DISC1: variants seen among roughly 807,000 people sequenced by gnomAD.
DISC1 encodes the protein disrupted in schizophrenia 1 protein.
Under a neutral mutation model 84.5 loss-of-function variants are expected in DISC1, and 57 were observed. The observed-to-expected ratio is 0.67, with a 90% CI of 0.55 to 0.84. DISC1 has a LOEUF of 0.84. Among genes scored for constraint, DISC1 ranks in the 40% least tolerant of loss-of-function variants. The probability of loss-of-function intolerance (pLI) is 0.00; values close to 1 mark genes in which losing one functional copy is unlikely to be tolerated. For missense variants in DISC1, 1,000 were observed against 1,057.8 expected (o/e 0.95, Z 0.76); for synonymous variants, 411 against 415.2 (o/e 0.99, Z 0.12).
chr1:231,931,398 G>C (rs917266048), intron 9 of DISC1, among the ~76,000 whole-genome samples: 5 of 152,202 alleles, frequency 3.3e-5, no homozygotes, highest in African/African-American at 1.2e-4. Context: ...TGTACCGGGA[G>C]ATGCCCTAGG....
At chr1:231,945,761 T>C (rs942866475) in intron 9 of DISC1, among the ~76,000 whole-genome samples, 1 of 151,834 alleles carries the variant, frequency 6.6e-6, no homozygotes, top group Non-Finnish European at 1.5e-5. Flanking sequence ...AGAGACGCAA[T>C]AAAAAATGAT....
chr1:231,880,301 A>T (rs1386718439), intron 9 of DISC1, among the ~76,000 whole-genome samples: 1 of 152,170 alleles, frequency 6.6e-6, no homozygotes, highest in Non-Finnish European at 1.5e-5. Flanking sequence ...AATCTCTGTA[A>T]CTGTAGGAAA....
intron 9 of DISC1, among the ~76,000 whole-genome samples, chr1:231,907,766 C>G (rs910981252): frequency 5.3e-5 from 8 of 152,178 alleles, no homozygotes; most frequent in Non-Finnish European, 8.8e-5. Context: ...TTCCACAATG[C>G]TTGAACTAGT....
In DISC1 at chr1:231,930,223, C is replaced by T. The variant is rs1377232306; in HGVS notation, c.1982-28605C>T. Among the ~76,000 whole-genome samples, 3 of 152,128 alleles carry T rather than the reference C, an allele frequency of 2.0e-5. No homozygotes were observed. In the East Asian group the frequency reaches 5.8e-4, roughly 29 times the overall value. On this transcript the variant is annotated intron_variant, in intron 9 of 12. Transcript: ENST00000439617. ...TAGAGATCCTGTCCTTTAACCCTTG[C>T]GTTGTGCAGATGAGAGATGTGAGGT...
intron 9 of DISC1, among the ~76,000 whole-genome samples, chr1:231,819,525 A>G (rs1159362765): frequency 6.6e-6 from 1 of 152,186 alleles, no homozygotes; most frequent in Non-Finnish European, 1.5e-5. Context: ...TCTTCTTTGT[A>G]ATGAATACCC....
At chr1:231,759,325 C>A (rs1354356683) in intron 4 of DISC1, among the ~76,000 whole-genome samples, 1 of 151,928 alleles carries the variant, frequency 6.6e-6, no homozygotes, top group African/African-American at 2.4e-5. Flanking sequence ...CTGTATGAGA[C>A]CAGAAAATAA....
rs1670608540 is a variant in DISC1 at position 232,037,721 on chromosome 1, G to A, written c.*890G>A. 6.6e-6 allele frequency: 1 copy of A among 152,262 alleles called. No individual in the cohort carries two copies. Among genetic ancestry groups the A allele is most frequent in the African/African-American group, 2.4e-5 (1 of 41,388 alleles). The allele number at this position is 152,262 out of a possible 1,614,324, so 9.4% of individuals were successfully genotyped here. A position where few individuals can be genotyped will look rare whatever the true frequency, so the allele number is the denominator to read the frequency against. On this transcript the variant is annotated 3_prime_UTR_variant, in exon 13 of 13. Coordinates refer to ENST00000439617, the MANE Select transcript of DISC1 (RefSeq NM_018662.3). ...AGGCAGTGCAGTACTCAGTAAGACA[G>A]TGCAGTGCTCAGTAAGGCAGTGCAA...
chr1:231,802,117 T>C (rs1224406483), intron 8 of DISC1, among the ~76,000 whole-genome samples: 1 of 152,088 alleles, frequency 6.6e-6, no homozygotes, highest in African/African-American at 2.4e-5. Context: ...GGGTCTTTTG[T>C]CTCTCTTCAA....
chr1:231,871,123 A>G (rs1026136031), intron 9 of DISC1, among the ~76,000 whole-genome samples: 7 of 152,180 alleles, frequency 4.6e-5, no homozygotes, highest in African/African-American at 1.7e-4. Flanking sequence ...GCACTCATTG[A>G]TGCAGCGAGC....
Position 232,009,487 on chromosome 1 carries a change from A to ATAT in DISC1, c.2307+446_2307+448dup, listed in dbSNP as rs1042943480. 1.5e-6 allele frequency: 1 copy of ATAT among 661,218 alleles called. No homozygotes were observed. The highest frequency in any genetic ancestry group is 1.9e-6 in the Non-Finnish European group (1 of 535,178). The allele number at this position is 661,218 out of a possible 1,614,324, so 41.0% of individuals were successfully genotyped here. A position where few individuals can be genotyped will look rare whatever the true frequency, so the allele number is the denominator to read the frequency against. On this transcript the variant is annotated intron_variant, in intron 11 of 12. Transcript: ENST00000439617. The surrounding 1 kb of genome is among the most constrained non-coding windows in gnomAD (Gnocchi z 4.6). ...ATATTTAGAATCTATATATTACAAT[A>ATAT]TATTATTATTTATTTGAATGAAACA...
chr1:231,882,508 T>C (rs1042800266), intron 9 of DISC1, among the ~76,000 whole-genome samples: 3 of 152,250 alleles, frequency 2.0e-5, no homozygotes, highest in Admixed American at 6.5e-5. Context: ...TTGGTCTCTT[T>C]GTCTCACTTC....
At chr1:231,898,735 C>T (rs969958170) in intron 9 of DISC1, among the ~76,000 whole-genome samples, 1 of 152,058 alleles carries the variant, frequency 6.6e-6, no homozygotes, top group Non-Finnish European at 1.5e-5. Context: ...AGCTAGAGAC[C>T]AGCCTGGCCA....
chr1:231,652,987 C>G (rs895135540), intron 1 of DISC1, among the ~76,000 whole-genome samples: 1 of 152,120 alleles, frequency 6.6e-6, no homozygotes, highest in East Asian at 1.9e-4. Flanking sequence ...ACCATGTTGG[C>G]CAGGCTGGTC....
intron 6 of DISC1, among the ~76,000 whole-genome samples, chr1:231,778,762 G>T (rs1013309281): frequency 1.3e-5 from 2 of 152,138 alleles, no homozygotes; most frequent in Non-Finnish European, 2.9e-5. Flanking sequence ...GGAAATGTAG[G>T]TTCCCAATAA....
At chr1:231,728,662 T>G (rs2071078391) in intron 3 of DISC1, among the ~76,000 whole-genome samples, 1 of 152,228 alleles carries the variant, frequency 6.6e-6, no homozygotes, top group Admixed American at 6.5e-5. Context: ...CTGAGGTCTT[T>G]CTTCCATCTG....
chr1:232,036,654 C>T (rs891219645), intron 12 of DISC1, 38 bp from the exon 13 acceptor site: 8 of 1,516,760 alleles, frequency 5.3e-6, no homozygotes, highest in African/African-American at 2.7e-5. Flanking sequence ...CAGAGGGCCA[C>T]GATCACCTTC....
intron 9 of DISC1, among the ~76,000 whole-genome samples, chr1:231,944,759 G>C (rs997802724): frequency 6.6e-6 from 1 of 152,190 alleles, no homozygotes; most frequent in Non-Finnish European, 1.5e-5. Flanking sequence ...TGGCAAAGAG[G>C]CTTGCTTGAG....
intron 4 of DISC1, among the ~76,000 whole-genome samples, chr1:231,754,760 T>G (rs1257986114): frequency 6.6e-6 from 1 of 152,260 alleles, no homozygotes; most frequent in African/African-American, 2.4e-5. Context: ...TACATTTGAC[T>G]GTTTGAAACC....
At chr1:231,756,802 T>C (rs2075189867) in intron 4 of DISC1, among the ~76,000 whole-genome samples, 1 of 152,198 alleles carries the variant, frequency 6.6e-6, no homozygotes. Context: ...ATCACTGGTT[T>C]CTAAACTAAA....
Sources: allele counts gnomAD v4.1 joint callset (sites outside exome capture counted in the v4.1 genomes callset), GRCh38; gene constraint gnomAD v4.1.1; non-coding constraint Gnocchi (gnomAD v3.1); transcripts MANE v1.5; gene names NCBI Gene and HGNC (gene_info 2026-07-23, HGNC 2026-07-21).